The following NBEAL1 variants were observed in gnomAD, a reference collection of about 807,000 sequenced individuals.
NBEAL1 encodes neurobeachin-like protein 1.
A neutral mutation model predicts 351.3 loss-of-function variants in NBEAL1; 273 were observed. The ratio of observed to expected loss-of-function variants is 0.78; its 90% CI spans 0.70 to 0.86. The LOEUF is 0.86. Ranked by LOEUF, NBEAL1 falls within the 40% of genes least tolerant of loss-of-function variation. NBEAL1 has a pLI of 0.00. For synonymous variants in NBEAL1, 1,050 were observed against 1,086.4 expected (o/e 0.97, Z 0.66); for missense variants, 2,961 against 3,201.3 (o/e 0.92, Z 1.81).
intron 2 of NBEAL1, among the ~76,000 whole-genome samples, chr2:203,023,203 A>T (rs1013692450): frequency 6.6e-5 from 10 of 152,242 alleles, no homozygotes; most frequent in Non-Finnish European, 1.2e-4. Flanking sequence ...GGACCAATAC[A>T]TATCAACCCT....
intron 2 of NBEAL1, among the ~76,000 whole-genome samples, chr2:203,027,498 TA>T (rs564137387): frequency 2.6e-4 from 38 of 147,258 alleles, no homozygotes; most frequent in Admixed American, 3.4e-4. Context: ...TTTACCTCTG[TA>T]AAAAAAAAAA....
intron 53 of NBEAL1, 29 bp from the exon 54 acceptor site, chr2:203,210,929 A>G (rs1377937248): frequency 4.2e-6 from 6 of 1,425,278 alleles, no homozygotes; most frequent in South Asian, 2.8e-5. Flanking sequence ...TTTATTTGAA[A>G]TTGTTGAATT....
chr2:203,212,831 A>G (rs1406829530), intron 54 of NBEAL1, among the ~76,000 whole-genome samples: 12 of 152,138 alleles, frequency 7.9e-5, no homozygotes, highest in Non-Finnish European at 1.5e-4. Flanking sequence ...AGATGGAGGT[A>G]GGCAATATGT....
rs76097285 is a variant in NBEAL1 at position 203,125,495 on chromosome 2, C to A, written c.2826C>A (p.Leu942=). The part of the protein sequence containing the change: ...ESVTPVEGDW[L]VWTSTKASES... ...TAACACCTGTTGAAGGAGATTGGCT[C>A]GTATGGACTTCCACAAAGGCCTCAG... Residue 942 remains leucine (L), a synonymous_variant, in exon 20 of 56, where the codon CTC becomes CTA. Transcript: ENST00000683969. 7,756 of 1,519,080 alleles carry A rather than the reference C, an allele frequency of 5.1e-3. 285 individuals are homozygous for A. In the African/African-American group the frequency reaches 0.087, roughly 17 times the overall value. The allele number at this position is 1,519,080 out of a possible 1,614,324, so 94.1% of individuals were successfully genotyped here. A position where few individuals can be genotyped will look rare whatever the true frequency, so the allele number is the denominator to read the frequency against.
chr2:203,213,688 C>T, intron 55 of NBEAL1, 35 bp downstream of exon 55: 1 of 1,612,072 alleles, frequency 6.2e-7, no homozygotes. Flanking sequence ...ATTTCTCATG[C>T]TGTTGGGGAT....
Position 203,222,733 on chromosome 2 carries a change from A to C in NBEAL1, c.*5379A>C, listed in dbSNP as rs1001538332. 2.0e-5 allele frequency among the ~76,000 whole-genome samples: 3 copies of C among 151,366 alleles called. No homozygotes were observed. The highest frequency in any genetic ancestry group is 4.4e-5 in the Non-Finnish European group (3 of 67,602). ...TAAAGAAGAAAAAAACATGACTAACATGCTAAATTTAAAACATAAAAGTAG... is the reference window on the plus strand; with the variant it reads ...TAAAGAAGAAAAAAACATGACTAACCTGCTAAATTTAAAACATAAAAGTAG... On this transcript the variant is annotated 3_prime_UTR_variant, in exon 56 of 56. Transcript: ENST00000683969.
intron 18 of NBEAL1, among the ~76,000 whole-genome samples, chr2:203,120,719 A>G (rs2062810366): frequency 6.6e-6 from 1 of 152,172 alleles, no homozygotes; most frequent in African/African-American, 2.4e-5. Context: ...GCATTTTAGA[A>G]ATGGTCTTAA....
chr2:203,208,722 C>G lies in NBEAL1; in HGVS notation c.7592C>G (p.Thr2531Ser). 1 of 1,608,368 alleles carries G rather than the reference C, an allele frequency of 6.2e-7. No homozygotes were observed. The change falls in exon 52 of 56, where the codon ACT becomes AGT. Residue 2531 changes from threonine to serine, a missense_variant. Transcript: ENST00000683969. ...TNEVLSVGIS[T>S]ELDMAVSGSR... ...GAGGTACTGAGTGTCGGCATCAGCA[C>G]TGAGCTAGACATGGCAGTGTCAGGA...
At position 203,042,934 on chromosome 2, in the gene NBEAL1, C is replaced by T. The variant is rs79702341; in HGVS notation, c.143+1078C>T. 5.2e-3 allele frequency among the ~76,000 whole-genome samples: 785 copies of T among 152,194 alleles called. 19 individuals are homozygous for T. The highest frequency in any genetic ancestry group is 0.043 in the South Asian group (207 of 4,818). On this transcript the variant is annotated intron_variant, in intron 3 of 55. Coordinates refer to ENST00000683969, the MANE Select transcript of NBEAL1 (RefSeq NM_001378026.1). ...AGCAGCCTTCTATTGAAACTAAGGG[C>T]TTACCTTGAGTCACTTCATTTGCAT...
At position 203,039,674 on chromosome 2, in the gene NBEAL1, A is replaced by G. The variant is rs901367918; in HGVS notation, c.52-2091A>G. ...CTCCCAAAGTGCTGGAATTACTGGC[A>G]TGAGCCACTGTGCCTGGTGTATTTT... On this transcript the variant is annotated intron_variant, in intron 2 of 55. Coordinates refer to ENST00000683969, the MANE Select transcript of NBEAL1 (RefSeq NM_001378026.1). 4.6e-5 allele frequency among the ~76,000 whole-genome samples: 7 copies of G among 152,314 alleles called. No individual in the cohort carries two copies. The East Asian group carries it at 1.4e-3, about 29-fold the overall frequency.
intron 12 of NBEAL1, among the ~76,000 whole-genome samples, chr2:203,106,106 T>C (rs976529198): frequency 1.3e-5 from 2 of 152,236 alleles, no homozygotes; most frequent in African/African-American, 4.8e-5. Flanking sequence ...TGTTCTTCTG[T>C]CCAGTTATAC....
At position 203,126,885 on chromosome 2, in the gene NBEAL1, T is replaced by C; in HGVS notation, c.3207T>C (p.Tyr1069=). The C allele has an allele frequency of 1.3e-6, 2 of 1,552,896 alleles. No individual in the cohort carries two copies. Among genetic ancestry groups the C allele is most frequent in the South Asian group, 1.2e-5 (1 of 84,176 alleles). The part of the protein sequence containing the change: ...KDSRRVFRKK[Y]GVQFLLDTLR... ...GCAGGAGAGTTTTCCGAAAGAAGTATGGTGTGCAGTTTCTCCTAGATACAC... is the reference window on the plus strand; with the variant it reads ...GCAGGAGAGTTTTCCGAAAGAAGTACGGTGTGCAGTTTCTCCTAGATACAC... Residue 1069 remains tyrosine (Y), a synonymous_variant, in exon 23 of 56, where the codon TAT becomes TAC. Coordinates refer to ENST00000683969, the MANE Select transcript of NBEAL1 (RefSeq NM_001378026.1).
chr2:203,054,150 G>A (rs1241627197), intron 4 of NBEAL1, among the ~76,000 whole-genome samples: 1 of 152,182 alleles, frequency 6.6e-6, no homozygotes, highest in Non-Finnish European at 1.5e-5. Flanking sequence ...TGCTGGCGGA[G>A]TGCAGTGGCT....
intron 24 of NBEAL1, among the ~76,000 whole-genome samples, chr2:203,128,658 C>T (rs2063002981): frequency 6.8e-6 from 1 of 146,076 alleles, no homozygotes; most frequent in African/African-American, 2.5e-5. Context: ...AGTGCAGTGG[C>T]ACAATCTCGG....
chr2:203,148,964 G>A (rs1000789135), intron 33 of NBEAL1, 27 bp from the exon 34 acceptor site: 26 of 1,583,770 alleles, frequency 1.6e-5, no homozygotes, highest in Non-Finnish European at 2.2e-5. Context: ...ATGAGTCAAT[G>A]ACCTTACTTT....
chr2:203,196,905 G>A (rs1231860961), intron 47 of NBEAL1, among the ~76,000 whole-genome samples: 1 of 152,080 alleles, frequency 6.6e-6, no homozygotes, highest in African/African-American at 2.4e-5. Context: ...GACCCAAAAG[G>A]AAATTTCTAT....
intron 20 of NBEAL1, 79 bp from the exon 21 acceptor site, chr2:203,125,881 G>C: frequency 1.7e-6 from 2 of 1,176,624 alleles, no homozygotes; most frequent in Non-Finnish European, 2.3e-6. Context: ...TTGTGTAACA[G>C]TGTGCATTAA....
At position 203,127,827 on chromosome 2, in the gene NBEAL1, A is replaced by G. The variant is rs2062977062; in HGVS notation, c.3295A>G (p.Ile1099Val). The G allele has an allele frequency of 6.5e-7, 1 of 1,532,098 alleles. No individual in the cohort carries two copies. The allele number at this position is 1,532,098 out of a possible 1,614,324, so 94.9% of individuals were successfully genotyped here. A position where few individuals can be genotyped will look rare whatever the true frequency, so the allele number is the denominator to read the frequency against. The change falls in exon 24 of 56, where the codon ATA (isoleucine) becomes GTA (valine). Residue 1099 changes from isoleucine (I) to valine (V), a missense_variant. Transcript: ENST00000683969. ...NELSLDDIRT[I>V]RTSLYGLIKY... ...ACTATCTCTAGATGATATTCGAACAATAAGGACTTCTTTGTATGGACTAAT... is the reference window on the plus strand; with the variant it reads ...ACTATCTCTAGATGATATTCGAACAGTAAGGACTTCTTTGTATGGACTAAT...
intron 17 of NBEAL1, among the ~76,000 whole-genome samples, chr2:203,114,034 G>C (rs946858421): frequency 7.2e-5 from 11 of 152,216 alleles, no homozygotes; most frequent in African/African-American, 2.4e-4. Context: ...GTGTTAGCCA[G>C]GATGGTCTCG....
Sources: allele counts gnomAD v4.1 joint callset (sites outside exome capture counted in the v4.1 genomes callset), GRCh38; gene constraint gnomAD v4.1.1; transcripts MANE v1.5; gene names NCBI Gene and HGNC (gene_info 2026-07-23, HGNC 2026-07-21).